Variants in CELSR1 observed in about 807,000 individuals in gnomAD.
CELSR1 encodes cadherin EGF LAG seven-pass G-type receptor 1.
A neutral mutation model predicts 249.1 loss-of-function variants in CELSR1; 110 were observed. The ratio of observed to expected loss-of-function variants is 0.44; its 90% CI spans 0.38 to 0.52. The LOEUF is 0.52. Among genes scored for constraint, CELSR1 ranks in the 20% least tolerant of loss-of-function variants. The pLI, the probability that CELSR1 is intolerant of heterozygous loss-of-function variation, is 0.00. For synonymous variants in CELSR1, 2,113 were observed against 1,900.0 expected (o/e 1.11, Z -2.92); for missense variants, 4,109 against 4,296.4 (o/e 0.96, Z 1.22).
rs117708733 is a variant in CELSR1, at chr22:46,419,821, G to A, written c.4612-8062C>T. Among the ~76,000 whole-genome samples the A allele has an allele frequency of 9.5e-3, 1,392 of 146,738 alleles. 13 individuals carry two copies. The highest frequency in any genetic ancestry group is 0.016 in the Non-Finnish European group (1,043 of 67,102). ...CACCCATGCACATGCACTCATACTC[G>A]TGCACATTTACCCACGCTCACGTGC... On this transcript the variant is annotated intron_variant, in intron 5 of 34. Coordinates refer to ENST00000674500, the MANE Select transcript of CELSR1 (RefSeq NM_001378328.1).
At chr22:46,457,980 C>G (rs774372197) in intron 2 of CELSR1, among the ~76,000 whole-genome samples, 3 of 152,230 alleles carry the variant, frequency 2.0e-5, no homozygotes, top group Non-Finnish European at 4.4e-5. Context: ...CATTTGCACA[C>G]GGTGCCTGCT....
chr22:46,375,763 C>T (rs185091419), intron 24 of CELSR1, among the ~76,000 whole-genome samples: 103 of 152,220 alleles, frequency 6.8e-4, no homozygotes, highest in Admixed American at 1.2e-3. Flanking sequence ...AGGTTGGCCT[C>T]GAACTCCTTG....
In CELSR1 at chr22:46,369,794, G is replaced by A. The variant is rs867720885; in HGVS notation, c.7770C>T (p.Val2590=). The A allele has an allele frequency of 1.2e-5, 19 of 1,612,792 alleles. No homozygotes were observed. The highest frequency in any genetic ancestry group is 6.7e-5 in the East Asian group (3 of 44,892). ...GIPAIVTGLA[V]GLDPQGYGNP... ...TCCCGTAGCCCTGGGGGTCCAGGCC[G>A]ACCGCCAGTCCTGAACACAGCGGGG... is the stretch of plus-strand genomic sequence containing the variant. The change falls in exon 26 of 35, where the codon GTC becomes GTT. Residue 2590 remains valine (V), a synonymous_variant. Coordinates refer to ENST00000674500, the MANE Select transcript of CELSR1 (RefSeq NM_001378328.1).
chr22:46,364,071 G>C lies in CELSR1; in HGVS notation c.8960C>G (p.Pro2987Arg). 6.2e-7 allele frequency: 1 copy of C among 1,612,300 alleles called. No homozygotes were observed. The highest frequency in any genetic ancestry group is 1.1e-5 in the South Asian group (1 of 91,072). ...AITVKSPGREPGRDHLNGVAM... is the reference protein window; with the variant it reads ...AITVKSPGRERGRDHLNGVAM... ...CACCCCGTTGAGGTGGTCACGCCCCGGCTCCCTCCCAGGGCTCTTGACTGT... is the reference window on the plus strand; with the variant it reads ...CACCCCGTTGAGGTGGTCACGCCCCCGCTCCCTCCCAGGGCTCTTGACTGT... Residue 2987 changes from proline to arginine, a missense_variant, in exon 34 of 35, where the codon CCG becomes CGG. Pro to Arg is a moderately radical substitution (Grantham distance 103). Transcript: ENST00000674500.
chr22:46,410,564 G>A lies in CELSR1; in HGVS notation c.4770-3C>T, dbSNP rs539792211. 8.4e-5 allele frequency: 135 copies of A among 1,612,402 alleles called. 2 individuals carry two copies. In the South Asian group the frequency reaches 1.4e-3, roughly 17 times the overall value. Reference sequence around the variant, plus strand: ...GAGGGCCGGTCAGATCCAGGGACCTGGGTAGGTAAAGCCATCTTCTGTGAC... The same window carrying A: ...GAGGGCCGGTCAGATCCAGGGACCTAGGTAGGTAAAGCCATCTTCTGTGAC... On this transcript the variant is annotated splice_region_variant and splice_polypyrimidine_tract_variant and intron_variant, in intron 6 of 34. Transcript: ENST00000674500. The surrounding 1 kb of genome is among the most constrained non-coding windows in gnomAD (Gnocchi z 6.8).
At chr22:46,511,076 C>T (rs2080568299) in intron 1 of CELSR1, among the ~76,000 whole-genome samples, 1 of 152,008 alleles carries the variant, frequency 6.6e-6, no homozygotes, top group Admixed American at 6.6e-5. Context: ...ATCGTGTCAT[C>T]GCACTCCAGC....
chr22:46,389,580 C>G, intron 17 of CELSR1, 81 bp from the exon 18 acceptor site: 1 of 1,372,712 alleles, frequency 7.3e-7, no homozygotes. Context: ...CAACTCACTA[C>G]TGTCTGGTGC....
At chr22:46,520,434 A>G (rs1378175966) in intron 1 of CELSR1, among the ~76,000 whole-genome samples, 2 of 152,198 alleles carry the variant, frequency 1.3e-5, no homozygotes, top group Admixed American at 6.5e-5. Flanking sequence ...TTGTAATAAA[A>G]TGTACATAAT....
At chr22:46,528,522 C>T (rs2080760465) in intron 1 of CELSR1, among the ~76,000 whole-genome samples, 1 of 152,208 alleles carries the variant, frequency 6.6e-6, no homozygotes, top group Non-Finnish European at 1.5e-5. Flanking sequence ...AGGCCTACAG[C>T]CCTGCACCCA....
chr22:46,409,221 G>C lies in CELSR1; in HGVS notation c.5060-59C>G. On this transcript the variant is annotated intron_variant, in intron 8 of 34. Coordinates refer to ENST00000674500, the MANE Select transcript of CELSR1 (RefSeq NM_001378328.1). The surrounding 1 kb of genome is among the most constrained non-coding windows in gnomAD (Gnocchi z 9.8). The stretch of plus-strand genomic sequence containing the variant: ...CCCGAAATCACACGGCCGCGGACTT[G>C]GCTGCAGGGGCGGGGGATGGGCCTG... 11 of 1,575,922 alleles carry C rather than the reference G, an allele frequency of 7.0e-6. No individual in the cohort carries two copies. The highest frequency in any genetic ancestry group is 5.7e-5 in the South Asian group (5 of 87,522).
rs143623109 is a variant in CELSR1 at position 46,391,678 on chromosome 22, G to A, written c.6103C>T (p.Arg2035Cys). The A allele has an allele frequency of 1.1e-5, 17 of 1,609,148 alleles. No individual in the cohort carries two copies. The African/African-American group carries it at 1.1e-4, about 10-fold the overall frequency. Residue 2035 changes from arginine to cysteine, a missense_variant, in exon 15 of 35, where the codon CGC (arginine) becomes TGC (cysteine). Transcript: ENST00000674500. This position sits in a 1 kb window ranked among gnomAD's most constrained non-coding sequence, Gnocchi z 4.3. ...KPGVIGRQCN[R>C]CDNPFAEVTT... Reference sequence around the variant, plus strand: ...ACCTCGGCAAACGGGTTGTCGCAGCGGTTGCACTGGCGGCCGATGACGCCG... The same window carrying A: ...ACCTCGGCAAACGGGTTGTCGCAGCAGTTGCACTGGCGGCCGATGACGCCG...
rs1016551218 is a variant in CELSR1 at position 46,441,681 on chromosome 22, C to T, written c.4184-2270G>A. 3.3e-5 allele frequency among the ~76,000 whole-genome samples: 5 copies of T among 152,194 alleles called. No individual in the cohort carries two copies. The highest frequency in any genetic ancestry group is 5.9e-5 in the Non-Finnish European group (4 of 68,016). The stretch of plus-strand genomic sequence containing the variant: ...CTCCTTACAAGGACTCTAATTGCAG[C>T]CTGGGGGCCCCACCCCATGACCTCA... On this transcript the variant is annotated intron_variant, in intron 2 of 34. Transcript: ENST00000674500. This position sits in a 1 kb window ranked among gnomAD's most constrained non-coding sequence, Gnocchi z 6.1.
rs771773031 is a variant in CELSR1, at chr22:46,448,712, G to A, written c.4184-9301C>T. ...GAACAAGGAGTGAGTGGAAGGGCCC[G>A]GGAACAGGAACACAGGGCAATTTCA... On this transcript the variant is annotated intron_variant, in intron 2 of 34. Transcript: ENST00000674500. This position sits in a 1 kb window ranked among gnomAD's most constrained non-coding sequence, Gnocchi z 5.7. 5.8e-5 allele frequency: 18 copies of A among 309,860 alleles called. 1 individual carries two copies. Among genetic ancestry groups the A allele is most frequent in the South Asian group, 1.9e-4 (7 of 36,774 alleles). The allele number at this position is 309,860 out of a possible 1,614,324, so 19.2% of individuals were successfully genotyped here. A position where few individuals can be genotyped will look rare whatever the true frequency, so the allele number is the denominator to read the frequency against.
At chr22:46,392,971 C>T (rs1382668739) in intron 14 of CELSR1, among the ~76,000 whole-genome samples, 2 of 152,182 alleles carry the variant, frequency 1.3e-5, no homozygotes, top group Non-Finnish European at 2.9e-5. Flanking sequence ...ACGTGTGGAC[C>T]GACCCTGACC....
chr22:46,428,584 C>A lies in CELSR1; in HGVS notation c.4611+4809G>T, dbSNP rs566161867. Among the ~76,000 whole-genome samples the A allele has an allele frequency of 2.6e-5, 4 of 152,204 alleles. No homozygotes were observed. Among genetic ancestry groups the A allele is most frequent in the African/African-American group, 4.8e-5 (2 of 41,450 alleles). ...ATGAAGACCTCTTGGTTGTCAAAAC[C>A]GGGTTAGGGGAACAGCTGGAGTCTA... On this transcript the variant is annotated intron_variant, in intron 5 of 34. Transcript: ENST00000674500. This position sits in a 1 kb window ranked among gnomAD's most constrained non-coding sequence, Gnocchi z 5.7.
chr22:46,410,292 A>C lies in CELSR1; in HGVS notation c.4933+106T>G. The C allele has an allele frequency of 7.0e-7, 1 of 1,428,224 alleles. No homozygotes were observed. Among genetic ancestry groups the C allele is most frequent in the Non-Finnish European group, 9.6e-7 (1 of 1,037,430 alleles). 88.5% of individuals were successfully genotyped at this position (1,428,224 alleles called of 1,614,324 possible). ...ACCGCTGGACACATACATTTCTAAGAAAAACACGGCTCCCCAGGGATCTGC... is the reference window on the plus strand; with the variant it reads ...ACCGCTGGACACATACATTTCTAAGCAAAACACGGCTCCCCAGGGATCTGC... On this transcript the variant is annotated intron_variant, in intron 7 of 34. Coordinates refer to ENST00000674500, the MANE Select transcript of CELSR1 (RefSeq NM_001378328.1). The surrounding 1 kb of genome is among the most constrained non-coding windows in gnomAD (Gnocchi z 6.8).
In CELSR1 at chr22:46,536,090, G is replaced by C. The variant is rs770515309; in HGVS notation, c.1081C>G (p.Arg361Gly). ...CCCACCTCCAGGTTCTCCCGCACGCGCTCGCGGTACTCCGACTGCTCGAAG... is the reference window on the plus strand; with the variant it reads ...CCCACCTCCAGGTTCTCCCGCACGCCCTCGCGGTACTCCGACTGCTCGAAG... ...PVFEQSEYRE[R>G]VRENLEVGYE... The change falls in exon 1 of 35, where the codon CGC (arginine) becomes GGC (glycine). Residue 361 changes from arginine (R) to glycine (G), a missense_variant. Arg to Gly is a moderately radical substitution (Grantham distance 125). This residue lies in a region of CELSR1 where 673 missense variants were observed against 636.8 expected (regional missense o/e 1.06). Coordinates refer to ENST00000674500, the MANE Select transcript of CELSR1 (RefSeq NM_001378328.1). The C allele has an allele frequency of 6.2e-7, 1 of 1,611,832 alleles. No individual in the cohort carries two copies. Among genetic ancestry groups the C allele is most frequent in the East Asian group, 2.2e-5 (1 of 44,876 alleles).
chr22:46,381,359 G>A lies in CELSR1; in HGVS notation c.7089-404C>T, dbSNP rs1037510136. 2.0e-5 allele frequency among the ~76,000 whole-genome samples: 3 copies of A among 152,210 alleles called. No individual in the cohort carries two copies. The highest frequency in any genetic ancestry group is 2.9e-5 in the Non-Finnish European group (2 of 68,042). On this transcript the variant is annotated intron_variant, in intron 21 of 34. Transcript: ENST00000674500. The surrounding 1 kb of genome is among the most constrained non-coding windows in gnomAD (Gnocchi z 6.0). ...ACCACGTGAACACGAGGATCCCAGAGCCAGGGAAGTATCTGGGAAATGGCA... is the reference window on the plus strand; with the variant it reads ...ACCACGTGAACACGAGGATCCCAGAACCAGGGAAGTATCTGGGAAATGGCA...
Position 46,454,243 on chromosome 22 carries a change from C to T in CELSR1, c.4183+9464G>A, listed in dbSNP as rs1456885966. Reference sequence around the variant, plus strand: ...CCAGGGCCTCCCGGAGCAGCCCCGCCCACGCCCCTGAATGCAGGGCTCCTG... The same window carrying T: ...CCAGGGCCTCCCGGAGCAGCCCCGCTCACGCCCCTGAATGCAGGGCTCCTG... On this transcript the variant is annotated intron_variant, in intron 2 of 34. Transcript: ENST00000674500. The surrounding 1 kb of genome is among the most constrained non-coding windows in gnomAD (Gnocchi z 5.1). Among the ~76,000 whole-genome samples, 1 of 152,192 alleles carries T rather than the reference C, an allele frequency of 6.6e-6. No individual in the cohort carries two copies. Among genetic ancestry groups the T allele is most frequent in the East Asian group, 1.9e-4 (1 of 5,192 alleles).
Sources: gnomAD v4.1 joint callset for allele counts (sites outside exome capture counted in the v4.1 genomes callset) on GRCh38, gnomAD v4.1.1 for gene constraint, gnomAD v4.1.1 regional missense constraint, Gnocchi (gnomAD v3.1) non-coding constraint, MANE v1.5 for transcripts, NCBI Gene and HGNC (gene_info 2026-07-23, HGNC 2026-07-21) for gene names.